Variants in RELL2 observed in about 807,000 individuals in gnomAD.
RELL2 encodes RELT like 2.
Under a neutral mutation model 27.5 loss-of-function variants are expected in RELL2, and 18 were observed. The ratio of observed to expected loss-of-function variants is 0.65; its 90% confidence interval spans 0.45 to 0.97. The LOEUF is 0.97. Among genes scored for constraint, RELL2 ranks in the 50% least tolerant of loss-of-function variants. The probability of loss-of-function intolerance (pLI) is 0.00; values close to 1 mark genes in which losing one functional copy is unlikely to be tolerated. For missense variants in RELL2, 370 were observed against 397.5 expected, an observed-to-expected ratio of 0.93 and a Z score of 0.59; for synonymous variants, 156 against 147.5, an observed-to-expected ratio of 1.06 and a Z score of -0.42.
In RELL2 at chr5:141,639,190, A is replaced by C. The variant is rs2099906546; in HGVS notation, c.317+169A>C. Reference sequence around the variant, plus strand: ...GTAGAAATCGCGATTCCTTCAAACCATCTCTCTCATCTAGATATCATCAAG... The same window carrying C: ...GTAGAAATCGCGATTCCTTCAAACCCTCTCTCTCATCTAGATATCATCAAG... On this transcript the variant is annotated intron_variant, in intron 3 of 6. Transcript: ENST00000297164. This position sits in a 1 kb window ranked among gnomAD's most constrained non-coding sequence, Gnocchi z 4.4. 5 of 629,768 alleles carry C rather than the reference A, an allele frequency of 7.9e-6. No homozygotes were observed. In the South Asian group the frequency reaches 9.8e-5, roughly 12 times the overall value. 39.0% of individuals were successfully genotyped at this position (629,768 alleles called of 1,614,324 possible). A position where few individuals can be genotyped will look rare whatever the true frequency, so the allele number is the denominator to read the frequency against.
Position 141,639,582 on chromosome 5 carries a change from C to G in RELL2, c.436C>G (p.Gln146Glu). The change falls in exon 4 of 7, where the codon CAG becomes GAG. Residue 146 changes from glutamine to glutamate, a missense_variant. By Grantham distance (29) the Gln-to-Glu change is conservative. Coordinates refer to ENST00000297164, the MANE Select transcript of RELL2 (RefSeq NM_173828.5). The surrounding 1 kb of genome is among the most constrained non-coding windows in gnomAD (Gnocchi z 4.4). ...SRSKRPPLVR[Q>E]GRSKEGKSRP... Reference sequence around the variant, plus strand: ...CAGCAAGAGGCCTCCACTTGTCCGTCAGGGACGCTCCAAGGAAGGAAAAAG... The same window carrying G: ...CAGCAAGAGGCCTCCACTTGTCCGTGAGGGACGCTCCAAGGAAGGAAAAAG... 2 of 1,614,026 alleles carry G rather than the reference C, an allele frequency of 1.2e-6. No individual in the cohort carries two copies. The highest frequency in any genetic ancestry group is 1.7e-6 in the Non-Finnish European group (2 of 1,180,010).
chr5:141,637,210 C>A lies in RELL2; in HGVS notation c.-1016C>A. On this transcript the variant is annotated 5_prime_UTR_variant, in exon 1 of 7. Coordinates refer to ENST00000297164, the MANE Select transcript of RELL2 (RefSeq NM_173828.5). Reference sequence around the variant, plus strand: ...TGCGGAAAGCCGGCTTCCCCCAGCCCTCGGAGAAGATTCCTGACTCTCCGC... The same window carrying A: ...TGCGGAAAGCCGGCTTCCCCCAGCCATCGGAGAAGATTCCTGACTCTCCGC... 1 of 171,570 alleles carries A rather than the reference C, an allele frequency of 5.8e-6. No homozygotes were observed. The highest frequency in any genetic ancestry group is 1.2e-5 in the Non-Finnish European group (1 of 81,678). 10.6% of individuals were successfully genotyped at this position (171,570 alleles called of 1,614,324 possible). A position where few individuals can be genotyped will look rare whatever the true frequency, so the allele number is the denominator to read the frequency against.
Position 141,639,601 on chromosome 5 carries a change from G to GA in RELL2, c.460dup (p.Ser154LysfsTer22). 1 of 1,613,710 alleles carries GA rather than the reference G, an allele frequency of 6.2e-7. No individual in the cohort carries two copies. Among genetic ancestry groups the GA allele is most frequent in the Non-Finnish European group, 8.5e-7 (1 of 1,179,954 alleles). ...GTCCGTCAGGGACGCTCCAAGGAAG[G>GA]AAAAAGCCGCCCCCGGACAGGGGAG... On this transcript the variant is annotated frameshift_variant, in exon 4 of 7. Transcript: ENST00000297164. LOFTEE classifies it high-confidence loss of function. The surrounding 1 kb of genome is among the most constrained non-coding windows in gnomAD (Gnocchi z 4.4).
At chr5:141,640,525 G>A (rs1265351390) in intron 6 of RELL2, 80 bp downstream of exon 6, 1 of 1,607,344 alleles carries the variant, frequency 6.2e-7, no homozygotes, top group Non-Finnish European at 8.5e-7. Context: ...TCGGCTCCCT[G>A]AACCCCCCGA....
Position 141,640,418 on chromosome 5 carries a change from C to G in RELL2, c.886C>G (p.Leu296Val), listed in dbSNP as rs1385805923. 6.2e-7 allele frequency: 1 copy of G among 1,614,182 alleles called. No homozygotes were observed. Among genetic ancestry groups the G allele is most frequent in the Non-Finnish European group, 8.5e-7 (1 of 1,180,020 alleles). ...KPDTSDHQVS[L>V]PQGAGSM is the part of the protein sequence containing the mutation. Reference sequence around the variant, plus strand: ...CCCCTCCCCTTTCTCTCAGGTGTCTCTACCACAGGGAGCAGGGAGTATGTG... The same window carrying G: ...CCCCTCCCCTTTCTCTCAGGTGTCTGTACCACAGGGAGCAGGGAGTATGTG... Residue 296 changes from leucine (L) to valine (V), a missense_variant, in exon 6 of 7, where the codon CTA becomes GTA. By Grantham distance (32) the Leu-to-Val change is conservative (BLOSUM62 1). Coordinates refer to ENST00000297164, the MANE Select transcript of RELL2 (RefSeq NM_173828.5).
chr5:141,639,848 C>A lies in RELL2; in HGVS notation c.504-72C>A. The A allele has an allele frequency of 6.6e-7, 1 of 1,524,976 alleles. No homozygotes were observed. Among genetic ancestry groups the A allele is most frequent in the Non-Finnish European group, 9.1e-7 (1 of 1,104,008 alleles). The allele number at this position is 1,524,976 out of a possible 1,614,324, so 94.5% of individuals were successfully genotyped here. On this transcript the variant is annotated intron_variant, in intron 4 of 6. Transcript: ENST00000297164. The surrounding 1 kb of genome is among the most constrained non-coding windows in gnomAD (Gnocchi z 4.4). ...GAAGTAGCCACCAAACTCAGGATGT[C>A]CCTGGTCAGAGGGGAGGGCCAAGCA...
Position 141,640,631 on chromosome 5 carries a change from T to G in RELL2, c.*2-40T>G, listed in dbSNP as rs576935504. 23 of 1,539,284 alleles carry G rather than the reference T, an allele frequency of 1.5e-5. No individual in the cohort carries two copies. In the African/African-American group the frequency reaches 2.6e-4, roughly 17 times the overall value. On this transcript the variant is annotated intron_variant, in intron 6 of 6. Coordinates refer to ENST00000297164, the MANE Select transcript of RELL2 (RefSeq NM_173828.5). Reference sequence around the variant, plus strand: ...CCCAGGGGAAAAGCTGGACACAGCTTGAACAGGAAGCAACAGTGTTATTCT... The same window carrying G: ...CCCAGGGGAAAAGCTGGACACAGCTGGAACAGGAAGCAACAGTGTTATTCT...
Position 141,639,922 on chromosome 5 carries a change from T to A in RELL2, c.506T>A (p.Phe169Tyr), listed in dbSNP as rs2099906644. ...GETTVFSVGR[F>Y]RVTHIEKRYG... ...CCCAGTGTTCCCTCCCCTCCCAGGT[T>A]CCGGGTGACACACATTGAGAAGCGC... Residue 169 changes from phenylalanine (F) to tyrosine (Y), a missense_variant and splice_region_variant, in exon 5 of 7, where the codon TTC (phenylalanine) becomes TAC (tyrosine). Coordinates refer to ENST00000297164, the MANE Select transcript of RELL2 (RefSeq NM_173828.5). The surrounding 1 kb of genome is among the most constrained non-coding windows in gnomAD (Gnocchi z 4.4). 6.2e-7 allele frequency: 1 copy of A among 1,613,756 alleles called. No homozygotes were observed. Among genetic ancestry groups the A allele is most frequent in the Admixed American group, 1.7e-5 (1 of 59,996 alleles).
chr5:141,638,478 A>T, intron 1 of RELL2, 69 bp downstream of exon 1: 1 of 1,433,494 alleles, frequency 7.0e-7, no homozygotes. Flanking sequence ...TGCCTCCCTG[A>T]CCAACAGACC....
At position 141,638,040 on chromosome 5, in the gene RELL2, G is replaced by A; in HGVS notation, c.-186G>A. ...GTTGCCGCTGACCTCTTGCCGAAAGGCGAAACAGCACTCCTGGCCCGGACA... is the reference window on the plus strand; with the variant it reads ...GTTGCCGCTGACCTCTTGCCGAAAGACGAAACAGCACTCCTGGCCCGGACA... On this transcript the variant is annotated 5_prime_UTR_variant, in exon 1 of 7. Transcript: ENST00000297164. 1 of 565,454 alleles carries A rather than the reference G, an allele frequency of 1.8e-6. No homozygotes were observed. Among genetic ancestry groups the A allele is most frequent in the Non-Finnish European group, 3.1e-6 (1 of 317,794 alleles). The allele number at this position is 565,454 out of a possible 1,614,324, so 35.0% of individuals were successfully genotyped here. A position where few individuals can be genotyped will look rare whatever the true frequency, so the allele number is the denominator to read the frequency against.
chr5:141,639,281 G>A lies in RELL2; in HGVS notation c.318-183G>A. On this transcript the variant is annotated intron_variant, in intron 3 of 6. Coordinates refer to ENST00000297164, the MANE Select transcript of RELL2 (RefSeq NM_173828.5). This position sits in a 1 kb window ranked among gnomAD's most constrained non-coding sequence, Gnocchi z 4.4. The stretch of plus-strand genomic sequence containing the variant: ...GTGTTCTTTTTAGCAAACAGCCCTG[G>A]GAGGAAGAACATATGGTCACTAACA... 2 of 619,686 alleles carry A rather than the reference G, an allele frequency of 3.2e-6. No individual in the cohort carries two copies. Among genetic ancestry groups the A allele is most frequent in the African/African-American group, 1.8e-5 (1 of 54,398 alleles). 38.4% of individuals were successfully genotyped at this position (619,686 alleles called of 1,614,324 possible).
intron 1 of RELL2, 57 bp downstream of exon 1, chr5:141,638,466 TCTGCCTCC>T: frequency 6.7e-7 from 1 of 1,493,300 alleles, no homozygotes; most frequent in Non-Finnish European, 9.0e-7. Flanking sequence ...TCCCCACACC[TCTGCCTCC>T]CTGACCAACA....
Position 141,639,077 on chromosome 5 carries a change from C to A in RELL2, c.317+56C>A. The A allele has an allele frequency of 6.8e-7, 1 of 1,465,148 alleles. No individual in the cohort carries two copies. The highest frequency in any genetic ancestry group is 1.2e-5 in the South Asian group (1 of 84,536). The allele number at this position is 1,465,148 out of a possible 1,614,324, so 90.8% of individuals were successfully genotyped here. ...AGCTTGCCTTGGAGAGTATCCTCTC[C>A]TCCAGCACAATCCTCTCCCAGCCTC... On this transcript the variant is annotated intron_variant, in intron 3 of 6. Coordinates refer to ENST00000297164, the MANE Select transcript of RELL2 (RefSeq NM_173828.5). The surrounding 1 kb of genome is among the most constrained non-coding windows in gnomAD (Gnocchi z 4.4).
rs760292174 is a variant in RELL2 at position 141,639,982 on chromosome 5, C to G, written c.566C>G (p.Thr189Arg). The G allele has an allele frequency of 1.2e-6, 2 of 1,613,894 alleles. No homozygotes were observed. Among genetic ancestry groups the G allele is most frequent in the Admixed American group, 3.3e-5 (2 of 60,020 alleles). Residue 189 changes from threonine (T) to arginine (R), a missense_variant, in exon 5 of 7, where the codon ACA becomes AGA. Thr to Arg is a moderately conservative substitution (Grantham distance 71). Coordinates refer to ENST00000297164, the MANE Select transcript of RELL2 (RefSeq NM_173828.5). The surrounding 1 kb of genome is among the most constrained non-coding windows in gnomAD (Gnocchi z 4.4). ...CACGAACACCGTGATGGCTCCCCCA[C>G]AGACAGGAGCTGGGGCTCTGGTGGG... The part of the protein sequence containing the change: ...GLHEHRDGSP[T>R]DRSWGSGGGQ...
In RELL2 at chr5:141,640,700, C is replaced by G. The variant is rs1478160808; in HGVS notation, c.*31C>G. 2 of 1,533,850 alleles carry G rather than the reference C, an allele frequency of 1.3e-6. No homozygotes were observed. Among genetic ancestry groups the G allele is most frequent in the South Asian group, 1.2e-5 (1 of 83,696 alleles). The stretch of plus-strand genomic sequence containing the variant: ...CTTCATTGTGCTGATGGACTACCAG[C>G]TGGCAGGGCCAGGGGGTGGGTGGGC... On this transcript the variant is annotated 3_prime_UTR_variant, in exon 7 of 7. Coordinates refer to ENST00000297164, the MANE Select transcript of RELL2 (RefSeq NM_173828.5).
In RELL2 at chr5:141,638,215, CCCAGGGCCTCATGT is replaced by C; in HGVS notation, c.-9_5del. 6.2e-7 allele frequency: 1 copy of C among 1,607,712 alleles called. No homozygotes were observed. The highest frequency in any genetic ancestry group is 2.2e-5 in the East Asian group (1 of 44,810). On this transcript the variant is annotated start_lost and 5_prime_UTR_variant, in exon 1 of 7. Transcript: ENST00000297164. ...GAGGCGCCCTGGCCCGCGCTCGCCC[CCCAGGGCCTCATGT>C]CGGAACCACAGCCTGACCTGGAACC...
rs78820103 is a variant in RELL2, at chr5:141,639,707, C to A, written c.503+58C>A. On this transcript the variant is annotated intron_variant, in intron 4 of 6. Transcript: ENST00000297164. This position sits in a 1 kb window ranked among gnomAD's most constrained non-coding sequence, Gnocchi z 4.4. Reference sequence around the variant, plus strand: ...AGGTAGGGGGCCCAGTGATCAGGCACCTGATCCCAAAAGTGGGCCTTGGCT... The same window carrying A: ...AGGTAGGGGGCCCAGTGATCAGGCAACTGATCCCAAAAGTGGGCCTTGGCT... The A allele has an allele frequency of 2.7e-6, 4 of 1,506,892 alleles. No homozygotes were observed. In the Admixed American group the frequency reaches 8.0e-5, roughly 30 times the overall value. The allele number at this position is 1,506,892 out of a possible 1,614,324, so 93.3% of individuals were successfully genotyped here.
chr5:141,638,122 T>C lies in RELL2; in HGVS notation c.-104T>C. The C allele has an allele frequency of 1.3e-6, 1 of 748,866 alleles. No homozygotes were observed. The highest frequency in any genetic ancestry group is 1.7e-5 in the South Asian group (1 of 60,602). 46.4% of individuals were successfully genotyped at this position (748,866 alleles called of 1,614,324 possible). On this transcript the variant is annotated 5_prime_UTR_variant, in exon 1 of 7. Transcript: ENST00000297164. Reference sequence around the variant, plus strand: ...CCTCAGCCGGACGTCTTAGACGTGCTTGTTTCAGATCCTGAGGACGGCATT... The same window carrying C: ...CCTCAGCCGGACGTCTTAGACGTGCCTGTTTCAGATCCTGAGGACGGCATT...
At position 141,637,926 on chromosome 5, in the gene RELL2, C is replaced by A; in HGVS notation, c.-300C>A. On this transcript the variant is annotated 5_prime_UTR_variant, in exon 1 of 7. Coordinates refer to ENST00000297164, the MANE Select transcript of RELL2 (RefSeq NM_173828.5). The stretch of plus-strand genomic sequence containing the variant: ...CCGTCCCATCTCGTGCTGCAGTGTC[C>A]TTGGGAGGGACAGAAGCGCGAACAA... The A allele has an allele frequency of 5.7e-6, 2 of 351,656 alleles. No homozygotes were observed. Among genetic ancestry groups the A allele is most frequent in the Admixed American group, 4.5e-5 (1 of 22,406 alleles). 21.8% of individuals were successfully genotyped at this position (351,656 alleles called of 1,614,324 possible).
Sources: gnomAD v4.1 joint callset for allele counts on GRCh38, gnomAD v4.1.1 for gene constraint, Gnocchi (gnomAD v3.1) non-coding constraint, MANE v1.5 for transcripts, NCBI Gene and HGNC (gene_info 2026-07-23, HGNC 2026-07-21) for gene names.